The following MPPED2 variants were observed in gnomAD, a reference collection of about 807,000 sequenced individuals.
MPPED2 encodes metallophosphoesterase MPPED2.
A neutral mutation model predicts 33.0 loss-of-function variants in MPPED2; 5 were observed. The observed-to-expected ratio is 0.15, with a 90% CI of 0.08 to 0.32. The LOEUF (loss-of-function observed/expected upper bound fraction) is 0.32, where lower values mean the gene tolerates loss of function less well. Ranked by LOEUF, MPPED2 falls within the 10% of genes least tolerant of loss-of-function variation. The pLI is 1.00. For synonymous variants in MPPED2, 136 were observed against 141.9 expected (o/e 0.96, Z 0.29); for missense variants, 275 against 372.1 (o/e 0.74, Z 2.15).
At chr11:30,552,758 C>A (rs1041820472) in intron 2 of MPPED2, among the ~76,000 whole-genome samples, 1 of 152,106 alleles carries the variant, frequency 6.6e-6, no homozygotes, top group Non-Finnish European at 1.5e-5. Context: ...TGCTATACCC[C>A]CCAAAGGCTT....
At chr11:30,499,801 GC>G (rs1237660981) in intron 3 of MPPED2, among the ~76,000 whole-genome samples, 1 of 152,130 alleles carries the variant, frequency 6.6e-6, no homozygotes, top group Non-Finnish European at 1.5e-5. Flanking sequence ...GACCAATTCA[GC>G]CCTCAGATGT....
intron 4 of MPPED2, among the ~76,000 whole-genome samples, chr11:30,461,606 G>T (rs1046804121): frequency 1.3e-5 from 2 of 152,056 alleles, no homozygotes; most frequent in East Asian, 3.9e-4. Context: ...CAGGCCTGTT[G>T]CAGGATAAAA....
chr11:30,455,581 T>G (rs1341379821), intron 4 of MPPED2, among the ~76,000 whole-genome samples: 1 of 152,146 alleles, frequency 6.6e-6, no homozygotes, highest in African/African-American at 2.4e-5. Flanking sequence ...CTTATGTTAC[T>G]CCAGCGCCCT....
chr11:30,540,748 T>C (rs553699526), intron 2 of MPPED2, among the ~76,000 whole-genome samples: 3 of 152,306 alleles, frequency 2.0e-5, no homozygotes, highest in African/African-American at 7.2e-5. Flanking sequence ...TCCCTCCTTC[T>C]TAATCCTAGT....
intron 4 of MPPED2, among the ~76,000 whole-genome samples, chr11:30,481,750 G>A (rs12286337): frequency 0.29 from 44,727 of 151,862 alleles, 7,099 homozygotes; most frequent in African/African-American, 0.41. Flanking sequence ...AAAAGGTCTG[G>A]GTTTTATCAT....
At chr11:30,520,667 G>T (rs1362783539) in intron 3 of MPPED2, among the ~76,000 whole-genome samples, 1 of 152,080 alleles carries the variant, frequency 6.6e-6, no homozygotes, top group Non-Finnish European at 1.5e-5. Context: ...TTTAGCATTT[G>T]TAATAAATAG....
chr11:30,397,974 A>G (rs1947859577), intron 6 of MPPED2, among the ~76,000 whole-genome samples: 1 of 152,136 alleles, frequency 6.6e-6, no homozygotes, highest in Non-Finnish European at 1.5e-5. Flanking sequence ...AAGATCTCTT[A>G]GCTTGACCAA....
At chr11:30,491,068 T>C (rs1951959561) in intron 4 of MPPED2, among the ~76,000 whole-genome samples, 1 of 152,190 alleles carries the variant, frequency 6.6e-6, no homozygotes, top group Non-Finnish European at 1.5e-5. Context: ...TACATTATTT[T>C]GGGTTGAAAT....
At chr11:30,420,938 C>A (rs189564490) in intron 4 of MPPED2, among the ~76,000 whole-genome samples, 1 of 152,254 alleles carries the variant, frequency 6.6e-6, no homozygotes, top group Non-Finnish European at 1.5e-5. Context: ...AACTTCGAAA[C>A]CCAATGAAAA....
chr11:30,458,497 T>C (rs1284347624), intron 4 of MPPED2, among the ~76,000 whole-genome samples: 1 of 152,212 alleles, frequency 6.6e-6, no homozygotes, highest in East Asian at 1.9e-4. Context: ...CAATTATCCA[T>C]GTCCCAATCA....
chr11:30,446,663 T>C (rs1259110968), intron 4 of MPPED2, among the ~76,000 whole-genome samples: 2 of 152,256 alleles, frequency 1.3e-5, no homozygotes, highest in Admixed American at 1.3e-4. Context: ...CCTTGTATAT[T>C]TCAATCTGGT....
intron 4 of MPPED2, among the ~76,000 whole-genome samples, chr11:30,427,460 G>C (rs1270047775): frequency 1.3e-5 from 2 of 152,204 alleles, no homozygotes; most frequent in Non-Finnish European, 2.9e-5. Context: ...CTGCAAAATA[G>C]ACCCAAAGGG....
intron 3 of MPPED2, among the ~76,000 whole-genome samples, chr11:30,509,830 A>T (rs946662598): frequency 2.6e-5 from 4 of 152,202 alleles, no homozygotes; most frequent in Non-Finnish European, 4.4e-5. Flanking sequence ...AAGACCTAGC[A>T]AGGCTAAAAT....
At chr11:30,575,656 G>T (rs2134864554) in intron 2 of MPPED2, among the ~76,000 whole-genome samples, 1 of 152,314 alleles carries the variant, frequency 6.6e-6, no homozygotes, top group East Asian at 1.9e-4. Flanking sequence ...ATAGAGATAG[G>T]AAGTCTAAGA....
At chr11:30,406,173 T>C (rs562212171), downstream of MPPED2, among the ~76,000 whole-genome samples, 4 of 152,312 alleles carry the variant, frequency 2.6e-5, no homozygotes, top group African/African-American at 7.2e-5. Context: ...GGAACATTCA[T>C]GGGAAACCTC....
In MPPED2 at chr11:30,486,795, CAT is replaced by C. The variant is rs1387709115; in HGVS notation, c.536+8499_536+8500del. On this transcript the variant is annotated intron_variant, in intron 4 of 6. Coordinates refer to ENST00000358117, the MANE Select transcript of MPPED2 (RefSeq NM_001584.3). ...TCTAGGTACATGTACCTTGTTAACA[CAT>C]GTTATTAAAGCCCATGGACATCATT... 5.9e-5 allele frequency among the ~76,000 whole-genome samples: 9 copies of C among 152,190 alleles called. No individual in the cohort carries two copies. In the East Asian group the frequency reaches 9.6e-4, roughly 16 times the overall value.
chr11:30,532,060 A>G (rs1954554680), intron 3 of MPPED2, among the ~76,000 whole-genome samples: 1 of 152,198 alleles, frequency 6.6e-6, no homozygotes, highest in African/African-American at 2.4e-5. Flanking sequence ...CACACGTTAA[A>G]AGGAAGCTAA....
intron 4 of MPPED2, among the ~76,000 whole-genome samples, chr11:30,476,666 C>A (rs1404587792): frequency 6.6e-6 from 1 of 151,962 alleles, no homozygotes; most frequent in African/African-American, 2.4e-5. Flanking sequence ...AGCCTGAAAT[C>A]AGATAGTACA....
At chr11:30,490,770 T>C (rs1051284543) in intron 4 of MPPED2, among the ~76,000 whole-genome samples, 1 of 152,200 alleles carries the variant, frequency 6.6e-6, no homozygotes, top group African/African-American at 2.4e-5. Context: ...TTCTCCCTAG[T>C]CTTGAGGTAG....
Sources: gnomAD v4.1 joint callset for allele counts (sites outside exome capture counted in the v4.1 genomes callset) on GRCh38, gnomAD v4.1.1 for gene constraint, MANE v1.5 for transcripts, NCBI Gene and HGNC (gene_info 2026-07-23, HGNC 2026-07-21) for gene names.